The following SLC2A14 variants were observed in gnomAD, a reference collection of about 807,000 sequenced individuals.
SLC2A14 encodes solute carrier family 2, facilitated glucose transporter member 14.
SLC2A14 carries 13 observed loss-of-function variants against 43.0 expected under a neutral mutation model. The ratio of observed to expected loss-of-function variants is 0.30; its 90% CI spans 0.20 to 0.48. The LOEUF is 0.48. Ranked by LOEUF, SLC2A14 falls within the 20% of genes least tolerant of loss-of-function variation. SLC2A14 has a pLI of 0.99. For synonymous variants in SLC2A14, 190 were observed against 233.8 expected (o/e 0.81, Z 1.71); for missense variants, 428 against 620.4 (o/e 0.69, Z 3.29).
At chr12:7,875,437 G>A (rs1207939995), upstream of SLC2A14, among the ~76,000 whole-genome samples, 1 of 150,642 alleles carries the variant, frequency 6.6e-6, no homozygotes, top group Non-Finnish European at 1.5e-5. Flanking sequence ...GAATCCGGGA[G>A]GCAGAGGTTG....
intron 3 of SLC2A14, 109 bp downstream of exon 3, chr12:7,832,613 C>T: frequency 8.2e-7 from 1 of 1,219,874 alleles, no homozygotes; most frequent in Non-Finnish European, 1.2e-6. Context: ...GTAGCTGGGA[C>T]TCCAGGCAGG....
chr12:7,831,710 A>G lies in SLC2A14; in HGVS notation c.166T>C (p.Ser56Pro). 1 of 1,614,244 alleles carries G rather than the reference A, an allele frequency of 6.2e-7. No individual in the cohort carries two copies. The part of the protein sequence containing the change: ...TLTDKANAPP[S>P]EVLLTNLWSL... ...CAGAGATTCGTGAGCAGCACCTCAG[A>G]GGGAGGGGCATTTGCCTTGTCCGTC... The change falls in exon 4 of 11, where the codon TCT becomes CCT. Residue 56 changes from serine (S) to proline (P), a missense_variant. This residue lies in a region of SLC2A14 where 122 missense variants were observed against 128.8 expected (regional missense o/e 0.95). Coordinates refer to ENST00000431042, the MANE Select transcript of SLC2A14 (RefSeq NM_001286234.2).
intron 2 of SLC2A14, among the ~76,000 whole-genome samples, chr12:7,845,623 C>CA (rs2120894080): frequency 6.6e-6 from 1 of 151,454 alleles, no homozygotes; most frequent in Non-Finnish European, 1.5e-5. Flanking sequence ...ACTACAAATA[C>CA]AAAAAATTAG....
rs1205960247 is a variant in SLC2A14, at chr12:7,827,524, G to C, written c.835C>G (p.Leu279Val). ...TTGATCCCAGAGAGCTGCTGAGAGA[G>C]CTGGAGCACAATGGAAATGATGATG... ...QPIIISIVLQ[L>V]SQQLSGINAV... The change falls in exon 7 of 11, where the codon CTC (leucine) becomes GTC (valine). Residue 279 changes from leucine to valine, a missense_variant. By Grantham distance (32) the Leu-to-Val change is conservative (BLOSUM62 1). This residue lies in a region of SLC2A14 where 185 missense variants were observed against 275.4 expected (regional missense o/e 0.67). Transcript: ENST00000431042. The C allele has an allele frequency of 2.5e-6, 4 of 1,612,518 alleles. No homozygotes were observed. In the East Asian group the frequency reaches 8.9e-5, roughly 36 times the overall value.
chr12:7,867,280 C>CAAAA (rs755003596), intron 2 of SLC2A14, among the ~76,000 whole-genome samples: 11 of 71,188 alleles, frequency 1.5e-4, no homozygotes, highest in South Asian at 4.7e-4. Context: ...GACTCCGTCT[C>CAAAA]AAAAAAAAAA....
At chr12:7,875,621 T>C (rs760264966), upstream of SLC2A14, among the ~76,000 whole-genome samples, 16 of 152,068 alleles carry the variant, frequency 1.1e-4, no homozygotes, top group Non-Finnish European at 2.2e-4. Context: ...ATAGAGCCTT[T>C]GGAATGTGAT....
intron 1 of SLC2A14, among the ~76,000 whole-genome samples, chr12:7,885,300 A>G (rs1022685943): frequency 6.6e-6 from 1 of 152,138 alleles, no homozygotes. Flanking sequence ...CCCCATCTCT[A>G]CTAAAAATAC....
upstream of SLC2A14, among the ~76,000 whole-genome samples, chr12:7,874,723 T>C (rs1228615090): frequency 5.8e-5 from 2 of 34,282 alleles, no homozygotes; most frequent in Non-Finnish European, 1.5e-4. Context: ...TATATAAATA[T>C]ATAAAAAATA....
chr12:7,826,716 C>T (rs1217101969), intron 7 of SLC2A14, among the ~76,000 whole-genome samples: 1 of 151,968 alleles, frequency 6.6e-6, no homozygotes, highest in Non-Finnish European at 1.5e-5. Context: ...GTTTTGCCGC[C>T]CTCTTTAAAC....
rs74435752 is a variant in SLC2A14 at position 7,817,861 on chromosome 12, G to A, written c.1245C>T (p.Phe415=). 1,183 of 1,614,096 alleles carry A rather than the reference G, an allele frequency of 7.3e-4. 11 individuals are homozygous for A. In the African/African-American group the frequency reaches 0.014, roughly 19 times the overall value. The part of the protein sequence containing the change: ...VAGCSNWTSN[F]LVGLLFPSAA... ...CAGAGGGGAAGAGCAATCCGACTAG[G>A]AAGTTGGAGGTCCAGTTGGAGCAGC... Residue 415 remains phenylalanine (F), a synonymous_variant, in exon 10 of 11, where the codon TTC becomes TTT. Coordinates refer to ENST00000431042, the MANE Select transcript of SLC2A14 (RefSeq NM_001286234.2).
At chr12:7,889,884 T>G (rs10846138) in intron 1 of SLC2A14, among the ~76,000 whole-genome samples, 102,294 of 151,798 alleles carry the variant, frequency 0.67, 34,716 homozygotes, top group Admixed American at 0.76. Flanking sequence ...AACGGGTGGA[T>G]TATTCATTCC....
chr12:7,868,600 G>A (rs919747951), intron 2 of SLC2A14, among the ~76,000 whole-genome samples: 2 of 152,106 alleles, frequency 1.3e-5, no homozygotes, highest in African/African-American at 4.8e-5. Flanking sequence ...ATAGCTACTC[G>A]AGAAATATTT....
At chr12:7,882,022 T>A (rs776465582) in intron 1 of SLC2A14, among the ~76,000 whole-genome samples, 19 of 152,016 alleles carry the variant, frequency 1.2e-4, no homozygotes, top group Non-Finnish European at 8.8e-5. Flanking sequence ...TGGGGCCAGA[T>A]AAGAGAATAA....
chr12:7,827,376 A>G, intron 7 of SLC2A14, 119 bp downstream of exon 7: 7 of 1,442,394 alleles, frequency 4.9e-6, no homozygotes, highest in Non-Finnish European at 6.5e-6. Context: ...CCCGGGTTCA[A>G]GCGATTCTCC....
At chr12:7,870,454 T>C (rs905424120) in intron 1 of SLC2A14, among the ~76,000 whole-genome samples, 1 of 152,144 alleles carries the variant, frequency 6.6e-6, no homozygotes, top group African/African-American at 2.4e-5. Flanking sequence ...AGTTACCAAA[T>C]GTGAGTCTGT....
Position 7,817,915 on chromosome 12 carries a change from G to A in SLC2A14, c.1191C>T (p.Gly397=), listed in dbSNP as rs1480427669. The part of the protein sequence containing the change: ...WFIVAELFSQ[G]PRPAAMAVAG... ...CCACTGCCATCGCAGCTGGGCGGGG[G>A]CCCTGGCTGAAGAGTTCGGCCACAA... Residue 397 remains glycine, a synonymous_variant, in exon 10 of 11, where the codon GGC becomes GGT. Coordinates refer to ENST00000431042, the MANE Select transcript of SLC2A14 (RefSeq NM_001286234.2). The A allele has an allele frequency of 3.1e-6, 5 of 1,614,204 alleles. No individual in the cohort carries two copies. The highest frequency in any genetic ancestry group is 4.2e-6 in the Non-Finnish European group (5 of 1,180,052).
intron 7 of SLC2A14, among the ~76,000 whole-genome samples, chr12:7,826,856 TTC>T (rs1491220370): frequency 8.1e-5 from 1 of 12,394 alleles, no homozygotes; most frequent in Non-Finnish European, 2.2e-4. Flanking sequence ...CTTCCTTCCT[TTC>T]TTTTTTCTTT....
intron 1 of SLC2A14, among the ~76,000 whole-genome samples, chr12:7,889,081 G>A (rs1389088598): frequency 6.6e-6 from 1 of 151,994 alleles, no homozygotes; most frequent in Non-Finnish European, 1.5e-5. Flanking sequence ...CAGGAAAAGG[G>A]TCCTGATCCA....
At chr12:7,856,896 GT>G (rs1944280170) in intron 2 of SLC2A14, among the ~76,000 whole-genome samples, 1 of 151,278 alleles carries the variant, frequency 6.6e-6, no homozygotes, top group Admixed American at 6.6e-5. Context: ...GGAATGCAAA[GT>G]TTTAGAAGGA....
Sources: gnomAD v4.1 joint callset for allele counts (sites outside exome capture counted in the v4.1 genomes callset) on GRCh38, gnomAD v4.1.1 for gene constraint, gnomAD v4.1.1 regional missense constraint, MANE v1.5 for transcripts, NCBI Gene and HGNC (gene_info 2026-07-23, HGNC 2026-07-21) for gene names.